EML6: variants seen among roughly 807,000 people sequenced by gnomAD.
EML6 encodes EMAP like 6.
EML6 carries 154 observed loss-of-function variants against 240.1 expected under a neutral mutation model. The observed-to-expected ratio is 0.64, with a 90% CI of 0.56 to 0.73. The LOEUF (loss-of-function observed/expected upper bound fraction) is 0.73, where lower values mean the gene tolerates loss of function less well. Among genes scored for constraint, EML6 ranks in the 30% least tolerant of loss-of-function variants. The pLI, the probability that EML6 is intolerant of heterozygous loss-of-function variation, is 0.00. For synonymous variants in EML6, 1,148 were observed against 899.0 expected (o/e 1.28, Z -4.95); for missense variants, 2,964 against 2,474.6 (o/e 1.20, Z -4.20).
intron 28 of EML6, among the ~76,000 whole-genome samples, chr2:54,943,802 T>C (rs187182370): frequency 6.6e-6 from 1 of 152,366 alleles, no homozygotes; most frequent in Admixed American, 6.5e-5. Context: ...CAACATGTAA[T>C]ATAAAATTAT....
At chr2:54,881,339 G>A (rs750448014) in intron 17 of EML6, 1 of 152,058 alleles carries the variant, frequency 6.6e-6, no homozygotes, top group Non-Finnish European at 1.5e-5. Flanking sequence ...TGGCCTTAGA[G>A]TGCTTAAGTA....
rs1312175451 is a variant in EML6, at chr2:54,725,779, C to G, written c.197+521C>G. ...TTCTGCAGTGGGTGGGGAGTTTGTT[C>G]TCTAATATTTCACTTGGCAGTGTTT... On this transcript the variant is annotated intron_variant, in intron 2 of 41. Transcript: ENST00000356458. This position sits in a 1 kb window ranked among gnomAD's most constrained non-coding sequence, Gnocchi z 4.3. 6.6e-6 allele frequency among the ~76,000 whole-genome samples: 1 copy of G among 152,204 alleles called. No individual in the cohort carries two copies. Among genetic ancestry groups the G allele is most frequent in the African/African-American group, 2.4e-5 (1 of 41,444 alleles).
rs1256795711 is a variant in EML6, at chr2:54,794,527, C to T, written c.198-18705C>T. 2.6e-5 allele frequency among the ~76,000 whole-genome samples: 4 copies of T among 152,144 alleles called. No individual in the cohort carries two copies. The East Asian group carries it at 7.7e-4, about 29-fold the overall frequency. Reference sequence around the variant, plus strand: ...CAACTCAGTTCCCTTAATTCAGATACTTTCAGCACCCCTCTGGCTTCTGTA... The same window carrying T: ...CAACTCAGTTCCCTTAATTCAGATATTTTCAGCACCCCTCTGGCTTCTGTA... On this transcript the variant is annotated intron_variant, in intron 2 of 41. Transcript: ENST00000356458.
chr2:54,814,468 T>A (rs1667994357), intron 3 of EML6, among the ~76,000 whole-genome samples: 2 of 152,176 alleles, frequency 1.3e-5, no homozygotes, highest in Admixed American at 1.3e-4. Context: ...GCTGCATTCA[T>A]CTCCTCCCTA....
At chr2:54,888,992 G>A (rs1457131615) in intron 17 of EML6, among the ~76,000 whole-genome samples, 1 of 152,144 alleles carries the variant, frequency 6.6e-6, no homozygotes, top group Non-Finnish European at 1.5e-5. Context: ...ATTAACAAGA[G>A]TTCTTAGCAC....
chr2:54,954,254 C>A, intron 32 of EML6, 98 bp downstream of exon 32: 1 of 1,090,692 alleles, frequency 9.2e-7, no homozygotes, highest in Non-Finnish European at 1.3e-6. Flanking sequence ...CGAAGCCTGC[C>A]GTAGGCACTG....
chr2:54,926,134 C>T (rs141172829), intron 26 of EML6, among the ~76,000 whole-genome samples: 1,716 of 152,278 alleles, frequency 0.011, 26 homozygotes, highest in African/African-American at 0.039. Context: ...GATGGAGTCT[C>T]ACTGTTGCCA....
chr2:54,946,688 C>A (rs892267812), intron 28 of EML6, among the ~76,000 whole-genome samples: 1 of 152,174 alleles, frequency 6.6e-6, no homozygotes. Context: ...AGTATTCACA[C>A]CGCTCTGGAG....
At chr2:54,784,315 A>G (rs1056243944) in intron 2 of EML6, among the ~76,000 whole-genome samples, 6 of 152,192 alleles carry the variant, frequency 3.9e-5, no homozygotes, top group Admixed American at 3.3e-4. Flanking sequence ...GCAACTAACT[A>G]TATTGTGCCT....
At chr2:54,753,527 G>A (rs931540244) in intron 2 of EML6, among the ~76,000 whole-genome samples, 5 of 152,096 alleles carry the variant, frequency 3.3e-5, no homozygotes, top group Non-Finnish European at 4.4e-5. Flanking sequence ...AGGAAGGCTC[G>A]ACTGACCATT....
At chr2:54,948,654 C>T (rs116080386) in intron 28 of EML6, among the ~76,000 whole-genome samples, 1,525 of 152,284 alleles carry the variant, frequency 0.01, 13 homozygotes, top group Non-Finnish European at 0.017. Context: ...ACCCTGACCA[C>T]GGTGCCTCAA....
intron 2 of EML6, among the ~76,000 whole-genome samples, chr2:54,750,571 C>G (rs1488646608): frequency 6.6e-6 from 1 of 152,176 alleles, no homozygotes; most frequent in Non-Finnish European, 1.5e-5. Context: ...TCAGTAGTAT[C>G]TTAGACTCTC....
intron 9 of EML6, among the ~76,000 whole-genome samples, chr2:54,848,203 A>G (rs1034092228): frequency 2.0e-5 from 3 of 152,212 alleles, no homozygotes; most frequent in Non-Finnish European, 2.9e-5. Flanking sequence ...GACATCCTAT[A>G]TACTTTTTAC....
At chr2:54,779,865 G>GAAAAAAAAAAAAAAAAAAAAAAAAAAA (rs3036161) in intron 2 of EML6, among the ~76,000 whole-genome samples, 2 of 113,152 alleles carry the variant, frequency 1.8e-5, no homozygotes, top group African/African-American at 3.0e-5. Context: ...CAAAAAAAAA[G>GAAAAAAAAAAAAAAAAAAAAAAAAAAA]AAAAAAAAAA....
In EML6 at chr2:54,905,922, A is replaced by G. The variant is rs1196078470; in HGVS notation, c.3409+2420A>G. Among the ~76,000 whole-genome samples the G allele has an allele frequency of 6.1e-5, 6 of 98,816 alleles. No individual in the cohort carries two copies. The South Asian group carries it at 1.6e-3, about 26-fold the overall frequency. The allele number at this position is 98,816 out of a possible 152,430, so 64.8% of individuals were successfully genotyped here. ...TGTATAGACTGTATTTTGCTTATCT[A>G]TTTGTTGAGGGGCACCTGTGTGGCT... is the stretch of plus-strand genomic sequence containing the variant. On this transcript the variant is annotated intron_variant, in intron 24 of 41. Transcript: ENST00000356458.
chr2:54,871,618 G>C lies in EML6; in HGVS notation c.2344+13G>C. The C allele has an allele frequency of 1.3e-6, 2 of 1,517,332 alleles. No individual in the cohort carries two copies. The highest frequency in any genetic ancestry group is 1.8e-6 in the Non-Finnish European group (2 of 1,115,464). 94.0% of individuals were successfully genotyped at this position (1,517,332 alleles called of 1,614,324 possible). On this transcript the variant is annotated intron_variant, in intron 16 of 41. Transcript: ENST00000356458. ...CTTGATTTTTCAGGTAAGGTCCAGAGTGATTGACACATGGTTCTACGTTGA... is the reference window on the plus strand; with the variant it reads ...CTTGATTTTTCAGGTAAGGTCCAGACTGATTGACACATGGTTCTACGTTGA...
chr2:54,922,828 G>T (rs893825597), intron 26 of EML6, among the ~76,000 whole-genome samples: 3 of 151,992 alleles, frequency 2.0e-5, no homozygotes, highest in African/African-American at 7.3e-5. Flanking sequence ...TCACATATAC[G>T]TGGAAGCTAA....
intron 11 of EML6, among the ~76,000 whole-genome samples, chr2:54,857,464 G>T (rs182998568): frequency 1.3e-5 from 2 of 152,160 alleles, no homozygotes; most frequent in Admixed American, 1.3e-4. Context: ...GCTGTCCTAC[G>T]GGATGGAGAT....
Position 54,827,706 on chromosome 2 carries a change from C to G in EML6, c.666C>G (p.Val222=), listed in dbSNP as rs1668663976. Residue 222 remains valine, a synonymous_variant, in exon 6 of 42, where the codon GTC becomes GTG. Coordinates refer to ENST00000356458, the MANE Select transcript of EML6 (RefSeq NM_001039753.4). ...YSGALNGDIY[V]WKGLNLVRTI... ...GTGCTTTAAATGGTGACATCTATGT[C>G]TGGAAAGGGCTCAATTTAGTCCGCA... The G allele has an allele frequency of 1.3e-6, 2 of 1,551,548 alleles. No individual in the cohort carries two copies. Among genetic ancestry groups the G allele is most frequent in the Non-Finnish European group, 1.7e-6 (2 of 1,146,958 alleles).
Sources: allele counts gnomAD v4.1 joint callset (sites outside exome capture counted in the v4.1 genomes callset), GRCh38; gene constraint gnomAD v4.1.1; non-coding constraint Gnocchi (gnomAD v3.1); transcripts MANE v1.5; gene names NCBI Gene and HGNC (gene_info 2026-07-23, HGNC 2026-07-21).